Variants in SPEF2 observed in about 807,000 individuals in gnomAD.
The protein encoded by SPEF2 is sperm flagellar and cilia associated 2.
A neutral mutation model predicts 224.6 loss-of-function variants in SPEF2; 187 were observed. The observed-to-expected ratio is 0.83, with a 90% CI of 0.74 to 0.94. The LOEUF (loss-of-function observed/expected upper bound fraction) is 0.94. Ranked by LOEUF, SPEF2 falls within the 40% of genes least tolerant of loss-of-function variation. SPEF2 has a pLI of 0.00. For synonymous variants in SPEF2, 715 were observed against 707.3 expected (o/e 1.01, Z -0.17); for missense variants, 2,170 against 2,135.6 (o/e 1.02, Z -0.32).
Position 35,668,548 on chromosome 5 carries a change from G to T in SPEF2, c.1355+1289G>T, listed in dbSNP as rs140394141. On this transcript the variant is annotated intron_variant, in intron 9 of 36. Transcript: ENST00000356031. ...GAGTGTGGCTCTGAAAGGGCAACAT[G>T]ATGGGTTCTGTGGTGATAGAAGGTT... Among the ~76,000 whole-genome samples the T allele has an allele frequency of 1.6e-3, 237 of 152,230 alleles. 1 individual carries two copies. The highest frequency in any genetic ancestry group is 5.4e-3 in the African/African-American group (225 of 41,558).
Position 35,653,874 on chromosome 5 carries a change from C to T in SPEF2, c.792-666C>T, listed in dbSNP as rs1214699472. 1.4e-5 allele frequency among the ~76,000 whole-genome samples: 2 copies of T among 140,294 alleles called. 1 individual carries two copies. The highest frequency in any genetic ancestry group is 4.6e-4 in the South Asian group (2 of 4,366). 92.0% of individuals were successfully genotyped at this position (140,294 alleles called of 152,430 possible). ...AGGCAGGAGAATTGCTTGAACCCAG[C>T]AGGCGGAGGTTGCAGTAAGCCGAGA... is the stretch of plus-strand genomic sequence containing the variant. On this transcript the variant is annotated intron_variant, in intron 6 of 36. Coordinates refer to ENST00000356031, the MANE Select transcript of SPEF2 (RefSeq NM_024867.4).
intron 33 of SPEF2, 37 bp downstream of exon 33, chr5:35,795,832 G>C: frequency 6.6e-7 from 1 of 1,514,806 alleles, no homozygotes; most frequent in Non-Finnish European, 9.1e-7. Flanking sequence ...TGGCATTATA[G>C]CACTAATCAT....
chr5:35,734,237 T>C (rs938580021), intron 21 of SPEF2, among the ~76,000 whole-genome samples: 1 of 152,142 alleles, frequency 6.6e-6, no homozygotes, highest in African/African-American at 2.4e-5. Context: ...CTACTTTGTT[T>C]CACCAAGCCC....
intron 31 of SPEF2, 138 bp downstream of exon 31, chr5:35,792,584 A>T (rs1294008521): frequency 1.5e-6 from 1 of 651,590 alleles, no homozygotes; most frequent in Non-Finnish European, 2.6e-6. Flanking sequence ...TGAATGAAAA[A>T]TGAATGAACT....
intron 25 of SPEF2, among the ~76,000 whole-genome samples, chr5:35,760,408 C>T (rs1487438960): frequency 6.6e-6 from 1 of 151,106 alleles, no homozygotes; most frequent in Non-Finnish European, 1.5e-5. Flanking sequence ...TATGAAAGGA[C>T]CAAAGCAGGT....
At chr5:35,618,862 T>G (rs1743051325) in intron 1 of SPEF2, among the ~76,000 whole-genome samples, 1 of 148,010 alleles carries the variant, frequency 6.8e-6, no homozygotes, top group South Asian at 2.3e-4. Context: ...TTCAGTTGGT[T>G]TTGTTTGTCT....
chr5:35,755,643 T>C (rs1750326408), intron 24 of SPEF2, among the ~76,000 whole-genome samples: 1 of 152,224 alleles, frequency 6.6e-6, no homozygotes, highest in Non-Finnish European at 1.5e-5. Flanking sequence ...AAGTTTTCAC[T>C]CTTGCACCCA....
chr5:35,791,692 A>G (rs1755983283), intron 30 of SPEF2: 1 of 152,158 alleles, frequency 6.6e-6, no homozygotes, highest in Non-Finnish European at 1.5e-5. Context: ...AACAAGGTAG[A>G]CATCTCTTTT....
intron 21 of SPEF2, among the ~76,000 whole-genome samples, chr5:35,729,528 G>GC (rs1745267517): frequency 6.6e-6 from 1 of 152,144 alleles, no homozygotes; most frequent in Non-Finnish European, 1.5e-5. Flanking sequence ...GAAGGGACAT[G>GC]GAAGATGTGC....
At chr5:35,663,890 C>T (rs1241263776) in intron 8 of SPEF2, among the ~76,000 whole-genome samples, 3 of 152,150 alleles carry the variant, frequency 2.0e-5, no homozygotes, top group Non-Finnish European at 4.4e-5. Flanking sequence ...ACATGCTACC[C>T]TCAGTGGCAC....
At chr5:35,688,951 A>G (rs529053762) in intron 10 of SPEF2, among the ~76,000 whole-genome samples, 1 of 152,228 alleles carries the variant, frequency 6.6e-6, no homozygotes, top group East Asian at 1.9e-4. Flanking sequence ...ATTGGCTTGT[A>G]GTTTTCTTTT....
intron 12 of SPEF2, among the ~76,000 whole-genome samples, chr5:35,693,369 G>T (rs192221114): frequency 6.6e-6 from 1 of 152,208 alleles, no homozygotes; most frequent in East Asian, 1.9e-4. Context: ...GAAAACTGTC[G>T]GCAGGCCTTT....
intron 30 of SPEF2, chr5:35,788,593 T>A (rs950875115): frequency 2.8e-6 from 2 of 702,848 alleles, no homozygotes; most frequent in East Asian, 2.7e-5. Context: ...CAATAAAAAA[T>A]GCCATTGAGA....
chr5:35,759,115 GT>G (rs60030399), intron 24 of SPEF2, among the ~76,000 whole-genome samples: 6,044 of 148,480 alleles, frequency 0.041, 365 homozygotes, highest in African/African-American at 0.12. Context: ...AGAACCCAGT[GT>G]TTTTTTTTGT....
chr5:35,779,384 A>T, intron 30 of SPEF2, 38 bp downstream of exon 30: 4 of 1,506,362 alleles, frequency 2.7e-6, no homozygotes, highest in East Asian at 2.3e-5. Context: ...GCACAAAAAA[A>T]GGTTAAGATT....
At chr5:35,627,524 C>T (rs1744437288) in intron 1 of SPEF2, among the ~76,000 whole-genome samples, 1 of 151,970 alleles carries the variant, frequency 6.6e-6, no homozygotes, top group Non-Finnish European at 1.5e-5. Flanking sequence ...TCGCTTGAAC[C>T]CAGGAGTCAG....
At chr5:35,631,781 T>A (rs2149378502) in intron 2 of SPEF2, among the ~76,000 whole-genome samples, 1 of 152,274 alleles carries the variant, frequency 6.6e-6, no homozygotes, top group Non-Finnish European at 1.5e-5. Context: ...GGGAAAAAAA[T>A]TTCACAGAGT....
chr5:35,700,010 C>T (rs1047885976), intron 15 of SPEF2: 2 of 156,898 alleles, frequency 1.3e-5, no homozygotes, highest in Non-Finnish European at 2.8e-5. Context: ...GTGCTGTTTT[C>T]GTGATAGTGA....
intron 8 of SPEF2, among the ~76,000 whole-genome samples, chr5:35,663,992 G>T (rs1750084240): frequency 1.3e-5 from 2 of 152,030 alleles, no homozygotes; most frequent in African/African-American, 4.8e-5. Flanking sequence ...TCATTGCCTG[G>T]GTTCTGGCCA....
Sources: allele counts gnomAD v4.1 joint callset (sites outside exome capture counted in the v4.1 genomes callset), GRCh38; gene constraint gnomAD v4.1.1; transcripts MANE v1.5; gene names NCBI Gene and HGNC (gene_info 2026-07-23, HGNC 2026-07-21).